KIAA1217: variants seen among roughly 807,000 people sequenced by gnomAD.
KIAA1217 encodes KIAA1217.
In KIAA1217, 88 loss-of-function variants were observed where a neutral mutation model predicts 163.9. That is an observed-to-expected ratio of 0.54 (90% confidence interval 0.45 to 0.64). The LOEUF is 0.64. KIAA1217 is among the 30% of genes least tolerant of loss of function. The pLI is 0.00. For synonymous variants in KIAA1217, 903 were observed against 923.1 expected (o/e 0.98, Z 0.39); for missense variants, 2,372 against 2,475.0 (o/e 0.96, Z 0.88).
chr10:23,940,041 A>T (rs1011862912), intron 1 of KIAA1217, among the ~76,000 whole-genome samples: 5 of 151,898 alleles, frequency 3.3e-5, no homozygotes, highest in Non-Finnish European at 7.4e-5. Flanking sequence ...ACTAAGTATA[A>T]GAGGTTTATT....
chr10:23,773,577 G>A (rs1006929483), intron 1 of KIAA1217, among the ~76,000 whole-genome samples: 12 of 152,124 alleles, frequency 7.9e-5, no homozygotes, highest in Non-Finnish European at 1.8e-4. Flanking sequence ...TCACGATATT[G>A]ATTCTTCCTA....
chr10:24,198,655 G>C (rs1260423537), intron 2 of KIAA1217, among the ~76,000 whole-genome samples: 2 of 151,220 alleles, frequency 1.3e-5, no homozygotes, highest in African/African-American at 2.4e-5. Context: ...TGGGGATTCA[G>C]AGACAATAAA....
intron 3 of KIAA1217, among the ~76,000 whole-genome samples, chr10:24,413,545 T>C (rs1412014205): frequency 6.6e-6 from 1 of 152,192 alleles, no homozygotes; most frequent in Non-Finnish European, 1.5e-5. Context: ...TAATCCTCTG[T>C]TGCCTTGCAG....
At chr10:23,773,655 G>A (rs1328120725) in intron 1 of KIAA1217, among the ~76,000 whole-genome samples, 1 of 152,092 alleles carries the variant, frequency 6.6e-6, no homozygotes, top group Non-Finnish European at 1.5e-5. Context: ...GTGGTTTGTA[G>A]TTCTCCTTGA....
At chr10:24,338,578 A>G (rs113391327) in intron 2 of KIAA1217, among the ~76,000 whole-genome samples, 9 of 152,370 alleles carry the variant, frequency 5.9e-5, no homozygotes, top group Non-Finnish European at 1.2e-4. Flanking sequence ...ACTTCTTAAG[A>G]AGCTGAGCAT....
At chr10:24,035,334 A>G (rs1589264404) in intron 2 of KIAA1217, among the ~76,000 whole-genome samples, 2 of 152,276 alleles carry the variant, frequency 1.3e-5, no homozygotes, top group East Asian at 3.9e-4. Flanking sequence ...AAGGAGAGCT[A>G]GGGCCCTGCC....
chr10:24,065,967 C>T (rs1480548297), intron 2 of KIAA1217, among the ~76,000 whole-genome samples: 2 of 152,094 alleles, frequency 1.3e-5, no homozygotes, highest in African/African-American at 4.8e-5. Context: ...ATTGTAACCC[C>T]TGCCTTTTTT....
intron 1 of KIAA1217, among the ~76,000 whole-genome samples, chr10:23,938,659 T>A (rs1348237313): frequency 6.8e-6 from 1 of 146,702 alleles, no homozygotes; most frequent in Non-Finnish European, 1.5e-5. Flanking sequence ...CATCTAGAGA[T>A]GATTTAGAGT....
intron 2 of KIAA1217, among the ~76,000 whole-genome samples, chr10:24,088,274 T>TATATATATATATATACAC (rs1285415158): frequency 1.0e-4 from 11 of 107,242 alleles, no homozygotes; most frequent in African/African-American, 3.4e-4. Flanking sequence ...TATATATATA[T>TATATATATATATATACAC]ACACACATAT....
chr10:23,851,089 T>C (rs974087412), intron 1 of KIAA1217, among the ~76,000 whole-genome samples: 2 of 152,142 alleles, frequency 1.3e-5, no homozygotes, highest in African/African-American at 4.8e-5. Flanking sequence ...TGTATACATG[T>C]GCCATGCTGG....
At chr10:24,075,327 T>G (rs1279743112) in intron 2 of KIAA1217, among the ~76,000 whole-genome samples, 2 of 152,186 alleles carry the variant, frequency 1.3e-5, no homozygotes, top group Non-Finnish European at 2.9e-5. Context: ...TTTACAACTC[T>G]TTAAGAGCTA....
chr10:23,776,350 A>C (rs879360214), intron 1 of KIAA1217, among the ~76,000 whole-genome samples: 3 of 150,922 alleles, frequency 2.0e-5, no homozygotes, highest in Non-Finnish European at 4.4e-5. Flanking sequence ...ATATATATAT[A>C]TATATATATT....
chr10:24,351,042 G>A (rs1009351224), intron 2 of KIAA1217, among the ~76,000 whole-genome samples: 1 of 152,036 alleles, frequency 6.6e-6, no homozygotes, highest in South Asian at 2.1e-4. Context: ...CCGCCTCCTG[G>A]GTTCAAGCAA....
intron 2 of KIAA1217, among the ~76,000 whole-genome samples, chr10:24,010,693 G>GAAA (rs112800971): frequency 7.8e-6 from 1 of 128,952 alleles, no homozygotes; most frequent in Non-Finnish European, 1.7e-5. Flanking sequence ...ACATTTGCTG[G>GAAA]AAAAAAAAAA....
intron 1 of KIAA1217, among the ~76,000 whole-genome samples, chr10:23,851,543 G>T (rs1588947800): frequency 6.6e-6 from 1 of 152,026 alleles, no homozygotes; most frequent in Middle Eastern, 3.4e-3. Context: ...AGAGATGGCT[G>T]GGTCAAATGG....
At chr10:23,976,776 A>G (rs1186198842) in intron 1 of KIAA1217, among the ~76,000 whole-genome samples, 1 of 152,184 alleles carries the variant, frequency 6.6e-6, no homozygotes, top group East Asian at 1.9e-4. Flanking sequence ...AGGCACACAG[A>G]TTTTCTGTAA....
Position 23,871,867 on chromosome 10 carries a change from T to C in KIAA1217, c.-320-135358T>C, listed in dbSNP as rs527416667. 9.9e-5 allele frequency among the ~76,000 whole-genome samples: 15 copies of C among 152,170 alleles called. No homozygotes were observed. The East Asian group carries it at 1.2e-3, about 12-fold the overall frequency. On this transcript the variant is annotated intron_variant, in intron 1 of 18. Coordinates refer to the KIAA1217 transcript ENST00000376462. ...AGCATCACCAACGTGTCATTTCAAA[T>C]TTCCCATTAAAAACAGCATGCATAG...
intron 2 of KIAA1217, among the ~76,000 whole-genome samples, chr10:24,032,443 C>T (rs1353162551): frequency 6.6e-6 from 1 of 152,082 alleles, no homozygotes; most frequent in African/African-American, 2.4e-5. Context: ...GATGGGATCT[C>T]ACTATGTTGC....
intron 1 of KIAA1217, among the ~76,000 whole-genome samples, chr10:23,766,567 TC>T (rs1302827831): frequency 4.4e-4 from 67 of 150,838 alleles, no homozygotes; most frequent in Admixed American, 4.0e-3. Flanking sequence ...CTTTTTCTTT[TC>T]TTTTTTTTTT....
Sources: gnomAD v4.1 joint callset for allele counts (sites outside exome capture counted in the v4.1 genomes callset) on GRCh38, gnomAD v4.1.1 for gene constraint, MANE v1.5 for transcripts, NCBI Gene and HGNC (gene_info 2026-07-23, HGNC 2026-07-21) for gene names.